NRG3: variants seen among roughly 807,000 people sequenced by gnomAD.
NRG3 encodes neuregulin 3, also known as pro-neuregulin-3, membrane-bound isoform.
Under a neutral mutation model 66.9 loss-of-function variants are expected in NRG3, and 31 were observed. That is an observed-to-expected ratio of 0.46 (90% CI 0.35 to 0.63). NRG3 has a LOEUF of 0.63. NRG3 is among the 20% of genes least tolerant of loss of function. NRG3 has a pLI of 0.00. For missense variants in NRG3, 910 were observed against 878.9 expected (o/e 1.04, Z -0.45); for synonymous variants, 393 against 359.4 (o/e 1.09, Z -1.06).
At chr10:82,001,024 A>C (rs552275138) in intron 1 of NRG3, among the ~76,000 whole-genome samples, 13 of 152,304 alleles carry the variant, frequency 8.5e-5, no homozygotes, top group Non-Finnish European at 1.8e-4. Context: ...CCGTGTTTTC[A>C]ACTGTTTCTT....
At chr10:81,973,731 C>T (rs1402802801) in intron 1 of NRG3, among the ~76,000 whole-genome samples, 1 of 152,002 alleles carries the variant, frequency 6.6e-6, no homozygotes, top group African/African-American at 2.4e-5. Flanking sequence ...CTGTTATGTC[C>T]TTTGCCCACT....
chr10:82,386,221 A>C (rs1361506847), intron 2 of NRG3, among the ~76,000 whole-genome samples: 1 of 152,204 alleles, frequency 6.6e-6, no homozygotes, highest in Non-Finnish European at 1.5e-5. Context: ...GCAAGTATTG[A>C]AACTTTAATT....
intron 1 of NRG3, among the ~76,000 whole-genome samples, chr10:82,214,719 C>T (rs1457519855): frequency 2.0e-5 from 3 of 152,186 alleles, no homozygotes; most frequent in South Asian, 2.1e-4. Context: ...ATCCTCCCAC[C>T]TCAGCCTCCC....
intron 2 of NRG3, among the ~76,000 whole-genome samples, chr10:82,597,379 G>A: frequency 6.6e-6 from 1 of 152,180 alleles, no homozygotes; most frequent in Admixed American, 6.5e-5. Flanking sequence ...CACGGCCCTT[G>A]AAACTCCTTG....
chr10:82,599,834 C>G, intron 2 of NRG3, among the ~76,000 whole-genome samples: 1 of 151,974 alleles, frequency 6.6e-6, no homozygotes, highest in East Asian at 1.9e-4. Flanking sequence ...CAAAACAAAT[C>G]AAAATAAAGT....
chr10:82,655,453 G>A (rs938080353), intron 2 of NRG3, among the ~76,000 whole-genome samples: 3 of 152,014 alleles, frequency 2.0e-5, no homozygotes, highest in South Asian at 4.2e-4. Flanking sequence ...TCTTTTTTTC[G>A]GGTGTGGAAC....
intron 1 of NRG3, among the ~76,000 whole-genome samples, chr10:82,351,593 A>T (rs943654970): frequency 6.6e-6 from 1 of 152,166 alleles, no homozygotes; most frequent in African/African-American, 2.4e-5. Context: ...TTTAAGATCC[A>T]TCTACAAATG....
At chr10:82,644,452 A>G (rs1442000812) in intron 2 of NRG3, among the ~76,000 whole-genome samples, 2 of 152,120 alleles carry the variant, frequency 1.3e-5, no homozygotes, top group Admixed American at 6.5e-5. Flanking sequence ...TAACTGTTAA[A>G]TGAGGTTTTG....
intron 3 of NRG3, among the ~76,000 whole-genome samples, chr10:82,818,607 G>A (rs2061815570): frequency 6.6e-6 from 1 of 152,122 alleles, no homozygotes; most frequent in South Asian, 2.1e-4. Flanking sequence ...GTCCTGTCTA[G>A]CGGAGGGTGG....
At chr10:82,832,409 T>G (rs534240864) in intron 3 of NRG3, among the ~76,000 whole-genome samples, 76 of 152,264 alleles carry the variant, frequency 5.0e-4, no homozygotes, top group South Asian at 2.7e-3. Flanking sequence ...CATTGAAAAT[T>G]CACTGTCCTC....
intron 1 of NRG3, among the ~76,000 whole-genome samples, chr10:82,192,886 G>T (rs915194327): frequency 6.6e-6 from 1 of 151,964 alleles, no homozygotes; most frequent in Non-Finnish European, 1.5e-5. Context: ...GATGGTCAGG[G>T]AGAACAACTT....
chr10:82,132,481 T>C (rs1176062129), intron 1 of NRG3, among the ~76,000 whole-genome samples: 6 of 7,312 alleles, frequency 8.2e-4, no homozygotes, highest in African/African-American at 1.4e-3. Context: ...ATATATATGA[T>C]ATATATATAT....
chr10:82,704,165 G>A (rs2056114020), intron 2 of NRG3, among the ~76,000 whole-genome samples: 1 of 151,954 alleles, frequency 6.6e-6, no homozygotes, highest in Non-Finnish European at 1.5e-5. Context: ...TTAGAACCTT[G>A]AGCAATGCAT....
intron 4 of NRG3, among the ~76,000 whole-genome samples, chr10:82,921,295 A>G (rs888321352): frequency 6.6e-6 from 1 of 152,162 alleles, no homozygotes; most frequent in African/African-American, 2.4e-5. Flanking sequence ...AAAAGTGTCA[A>G]GGTGATTAAA....
At chr10:82,535,117 T>A (rs1847686605) in intron 2 of NRG3, among the ~76,000 whole-genome samples, 1 of 149,962 alleles carries the variant, frequency 6.7e-6, no homozygotes, top group Non-Finnish European at 1.5e-5. Context: ...ATCATGCCAC[T>A]GCACTCCAGC....
intron 1 of NRG3, among the ~76,000 whole-genome samples, chr10:82,215,146 TTATAA>T (rs1471687225): frequency 6.6e-6 from 1 of 152,214 alleles, no homozygotes; most frequent in Non-Finnish European, 1.5e-5. Context: ...CTTTAACCTC[TTATAA>T]TAAGATGTGA....
intron 1 of NRG3, among the ~76,000 whole-genome samples, chr10:82,341,777 C>T (rs2082702193): frequency 6.6e-6 from 1 of 151,960 alleles, no homozygotes; most frequent in Non-Finnish European, 1.5e-5. Context: ...TTGTAGTCTC[C>T]AGTGTATATT....
intron 2 of NRG3, among the ~76,000 whole-genome samples, chr10:82,718,919 G>C (rs1441709043): frequency 6.6e-6 from 1 of 152,144 alleles, no homozygotes; most frequent in African/African-American, 2.4e-5. Flanking sequence ...TCGAGGTCTG[G>C]TAATAAATCC....
At chr10:82,581,026 A>G (rs2046329162) in intron 2 of NRG3, among the ~76,000 whole-genome samples, 1 of 151,716 alleles carries the variant, frequency 6.6e-6, no homozygotes, top group African/African-American at 2.4e-5. Flanking sequence ...TAACTCCCAA[A>G]CTGTCTCTCA....
Sources: gnomAD v4.1 joint callset for allele counts (sites outside exome capture counted in the v4.1 genomes callset) on GRCh38, gnomAD v4.1.1 for gene constraint, MANE v1.5 for transcripts, NCBI Gene and HGNC (gene_info 2026-07-23, HGNC 2026-07-21) for gene names.